Variants in BRWD1 observed in about 807,000 individuals in gnomAD.
The protein encoded by BRWD1 is bromodomain and WD repeat domain containing 1.
A neutral mutation model predicts 251.2 loss-of-function variants in BRWD1; 82 were observed. The observed-to-expected ratio is 0.33, with a 90% CI of 0.27 to 0.39. The LOEUF (loss-of-function observed/expected upper bound fraction) is 0.39, where lower values mean the gene tolerates loss of function less well. Ranked by LOEUF, BRWD1 falls within the 10% of genes least tolerant of loss-of-function variation. The pLI is 1.00. For synonymous variants in BRWD1, 918 were observed against 902.8 expected, an observed-to-expected ratio of 1.02 and a Z score of -0.30; for missense variants, 2,233 against 2,711.6, an observed-to-expected ratio of 0.82 and a Z score of 3.92.
chr21:39,197,404 G>T lies in BRWD1; in HGVS notation c.5665C>A (p.Gln1889Lys). ...ATTTTTCTGCTTAGTCCATTGTCTT[G>T]TGATGCAGAATCTAAAAGTTAAAGA... ...PNNFMKDSAS[Q>K]DNGLSRKISR... Residue 1889 changes from glutamine to lysine, a missense_variant, in exon 41 of 41, where the codon CAA becomes AAA. Physicochemically the swap from Gln to Lys is moderately conservative, Grantham distance 53. Coordinates refer to ENST00000342449, the MANE Select transcript of BRWD1 (RefSeq NM_033656.4). 1.3e-6 allele frequency: 2 copies of T among 1,568,026 alleles called. No homozygotes were observed. The highest frequency in any genetic ancestry group is 1.7e-6 in the Non-Finnish European group (2 of 1,160,142).
rs1290349258 is a variant in BRWD1 at position 39,236,581 on chromosome 21, T to G, written c.2766+14A>C. The G allele has an allele frequency of 4.5e-6, 7 of 1,560,934 alleles. No individual in the cohort carries two copies. The highest frequency in any genetic ancestry group is 5.2e-6 in the Non-Finnish European group (6 of 1,147,754). ...TCATGATACATGCTATTTTTAAAGATACGTTTTTCTTACCTCCTTCTTAGG... is the reference window on the plus strand; with the variant it reads ...TCATGATACATGCTATTTTTAAAGAGACGTTTTTCTTACCTCCTTCTTAGG... On this transcript the variant is annotated intron_variant, in intron 23 of 40. Transcript: ENST00000342449.
At chr21:39,309,824 C>CA (rs10709480) in intron 4 of BRWD1, among the ~76,000 whole-genome samples, 17,321 of 74,412 alleles carry the variant, frequency 0.23, 1,878 homozygotes, top group Middle Eastern at 0.36. Context: ...GACTCCGTCT[C>CA]AAAAAAAAAA....
intron 8 of BRWD1, among the ~76,000 whole-genome samples, 166 bp downstream of exon 8, chr21:39,293,640 CTTCAT>C (rs766783779): frequency 1.3e-5 from 2 of 152,206 alleles, no homozygotes; most frequent in African/African-American, 4.8e-5. Flanking sequence ...TGCATTAGAT[CTTCAT>C]TTCATCAGCC....
intron 13 of BRWD1, among the ~76,000 whole-genome samples, chr21:39,271,217 G>C (rs2035088778): frequency 6.6e-6 from 1 of 152,052 alleles, no homozygotes; most frequent in Non-Finnish European, 1.5e-5. Flanking sequence ...ATTGGAACCT[G>C]GGAGACAGAG....
intron 4 of BRWD1, among the ~76,000 whole-genome samples, chr21:39,307,941 A>C (rs946793893): frequency 2.0e-5 from 3 of 152,150 alleles, no homozygotes; most frequent in African/African-American, 7.2e-5. Context: ...CTTAATGATC[A>C]TGGTAGTGTG....
intron 13 of BRWD1, 70 bp downstream of exon 13, chr21:39,274,300 AGAGC>A (rs764503027): frequency 5.5e-5 from 60 of 1,100,724 alleles, no homozygotes; most frequent in Non-Finnish European, 2.2e-5. Context: ...AGAGACACAG[AGAGC>A]GAGAGAGAGA....
Position 39,202,421 on chromosome 21 carries a change from A to T in BRWD1, c.4489T>A (p.Ser1497Thr). 6.2e-7 allele frequency: 1 copy of T among 1,614,098 alleles called. No homozygotes were observed. The highest frequency in any genetic ancestry group is 8.5e-7 in the Non-Finnish European group (1 of 1,179,970). ...GAGTCACCAGAAGTAACACCTGAAG[A>T]GATACCAGCACTTGTCTTGTGGGTT... ...LGTHKTSAGISSGVTSGDSSD... is the reference protein window; with the variant it reads ...LGTHKTSAGITSGVTSGDSSD... Residue 1497 changes from serine (S) to threonine (T), a missense_variant, in exon 38 of 41, where the codon TCT becomes ACT. Physicochemically the swap from Ser to Thr is moderately conservative, Grantham distance 58. Transcript: ENST00000342449.
At chr21:39,270,460 A>G (rs2836968) in intron 13 of BRWD1, 27 bp from the exon 14 acceptor site, 511,287 of 1,561,624 alleles carry the variant, frequency 0.33, 88,823 homozygotes, top group Middle Eastern at 0.37. Context: ...CAACATGTAA[A>G]CTTATTTAGA....
At chr21:39,221,081 G>A (rs1209861009) in intron 29 of BRWD1, among the ~76,000 whole-genome samples, 3 of 151,454 alleles carry the variant, frequency 2.0e-5, no homozygotes, top group Non-Finnish European at 4.4e-5. Flanking sequence ...CTTGAACCTG[G>A]GAGGTGGAGG....
At chr21:39,264,381 G>A in intron 17 of BRWD1, 79 bp downstream of exon 17, 2 of 855,922 alleles carry the variant, frequency 2.3e-6, no homozygotes, top group South Asian at 2.1e-5. Flanking sequence ...GGATCTAAAG[G>A]TAAGGAAATT....
intron 4 of BRWD1, among the ~76,000 whole-genome samples, chr21:39,307,457 ATATG>A (rs2036324797): frequency 6.6e-6 from 1 of 152,116 alleles, no homozygotes; most frequent in African/African-American, 2.4e-5. Flanking sequence ...TTTTATGTAT[ATATG>A]TTTGTATGTA....
intron 18 of BRWD1, 95 bp downstream of exon 18, chr21:39,258,392 A>T: frequency 9.4e-7 from 1 of 1,066,582 alleles, no homozygotes; most frequent in Non-Finnish European, 1.3e-6. Context: ...TGTTTACTTA[A>T]GTTTCTCACA....
chr21:39,294,202 G>A (rs980413907), intron 7 of BRWD1, among the ~76,000 whole-genome samples, 170 bp from the exon 8 acceptor site: 1 of 152,142 alleles, frequency 6.6e-6, no homozygotes, highest in African/African-American at 2.4e-5. Flanking sequence ...TGGAATAATA[G>A]TATTTTTCTT....
intron 14 of BRWD1, 51 bp downstream of exon 14, chr21:39,270,232 A>G (rs773769343): frequency 1.5e-4 from 222 of 1,463,890 alleles, no homozygotes; most frequent in Non-Finnish European, 1.8e-4. Flanking sequence ...TCAAAATTAC[A>G]ATCATATTTC....
rs905070988 is a variant in BRWD1, at chr21:39,212,724, A to G, written c.3859-17T>C. The G allele has an allele frequency of 1.3e-6, 2 of 1,533,602 alleles. No homozygotes were observed. The highest frequency in any genetic ancestry group is 9.0e-7 in the Non-Finnish European group (1 of 1,116,226). 95.0% of individuals were successfully genotyped at this position (1,533,602 alleles called of 1,614,324 possible). A position where few individuals can be genotyped will look rare whatever the true frequency, so the allele number is the denominator to read the frequency against. On this transcript the variant is annotated splice_polypyrimidine_tract_variant and intron_variant, in intron 33 of 40. Coordinates refer to ENST00000342449, the MANE Select transcript of BRWD1 (RefSeq NM_033656.4). The stretch of plus-strand genomic sequence containing the variant: ...ACTATCATCCTAGGAATAAAATCAG[A>G]GCACCTTAAGTATTTAGAGTCTCAT...
intron 25 of BRWD1, among the ~76,000 whole-genome samples, chr21:39,231,527 A>G (rs1272147897): frequency 2.6e-5 from 4 of 152,296 alleles, no homozygotes; most frequent in East Asian, 1.9e-4. Context: ...CAATACTCAT[A>G]TATTTACAAG....
rs2031340516 is a variant in BRWD1, at chr21:39,187,977, G to A, written c.*8282C>T. 1.0e-6 allele frequency: 1 copy of A among 985,170 alleles called. No homozygotes were observed. Among genetic ancestry groups the A allele is most frequent in the African/African-American group, 1.7e-5 (1 of 57,204 alleles). 61.0% of individuals were successfully genotyped at this position (985,170 alleles called of 1,614,324 possible). On this transcript the variant is annotated 3_prime_UTR_variant, in exon 41 of 41. Transcript: ENST00000342449. ...TTTGCCAGACAAAAAGCACTTTGGAGAGTTAACTACTTCATGCAGACTAAG... is the reference window on the plus strand; with the variant it reads ...TTTGCCAGACAAAAAGCACTTTGGAAAGTTAACTACTTCATGCAGACTAAG...
chr21:39,241,060 C>G (rs1204428168), intron 21 of BRWD1, among the ~76,000 whole-genome samples: 2 of 151,230 alleles, frequency 1.3e-5, no homozygotes, highest in African/African-American at 4.9e-5. Context: ...GCCACCACGC[C>G]CAGCTAATTT....
chr21:39,296,193 C>G, intron 6 of BRWD1, 72 bp downstream of exon 6: 2 of 1,240,662 alleles, frequency 1.6e-6, no homozygotes, highest in Non-Finnish European at 2.2e-6. Flanking sequence ...AATTTTAATA[C>G]AGCATTTATA....
Sources: gnomAD v4.1 joint callset for allele counts (sites outside exome capture counted in the v4.1 genomes callset) on GRCh38, gnomAD v4.1.1 for gene constraint, MANE v1.5 for transcripts, NCBI Gene and HGNC (gene_info 2026-07-23, HGNC 2026-07-21) for gene names.